MGAT4C: variants seen among roughly 807,000 people sequenced by gnomAD.
The protein encoded by MGAT4C is alpha-1,3-mannosyl-glycoprotein 4-beta-N-acetylglucosaminyltransferase C.
Under a neutral mutation model 40.1 loss-of-function variants are expected in MGAT4C, and 19 were observed. That is an observed-to-expected ratio of 0.47 (90% CI 0.33 to 0.70). MGAT4C has a LOEUF of 0.70. MGAT4C is among the 30% of genes least tolerant of loss of function. The pLI is 0.02. For missense variants in MGAT4C, 491 were observed against 563.2 expected (o/e 0.87, Z 1.30); for synonymous variants, 181 against 187.1 (o/e 0.97, Z 0.27).
intron 1 of MGAT4C, among the ~76,000 whole-genome samples, chr12:86,793,908 C>T (rs2136195570): frequency 6.6e-6 from 1 of 151,980 alleles, no homozygotes; most frequent in African/African-American, 2.4e-5. Flanking sequence ...TTGAATAACT[C>T]TTCCACACAT....
chr12:86,069,613 C>T (rs750071617), intron 1 of MGAT4C, among the ~76,000 whole-genome samples: 1 of 152,070 alleles, frequency 6.6e-6, no homozygotes, highest in African/African-American at 2.4e-5. Flanking sequence ...CTTCCAGTTC[C>T]CCAGGCCAAT....
At chr12:86,463,307 T>C (rs915532104) in intron 2 of MGAT4C, among the ~76,000 whole-genome samples, 3 of 152,184 alleles carry the variant, frequency 2.0e-5, no homozygotes, top group Non-Finnish European at 4.4e-5. Context: ...CTACCAGCTA[T>C]AGTCTTTTGC....
chr12:86,686,960 G>A (rs1476792221), intron 2 of MGAT4C, among the ~76,000 whole-genome samples: 2 of 152,122 alleles, frequency 1.3e-5, no homozygotes, highest in African/African-American at 2.4e-5. Flanking sequence ...AATCCGTCTG[G>A]TCCTGGGCTT....
chr12:86,126,307 G>T (rs1197547160), intron 1 of MGAT4C, among the ~76,000 whole-genome samples: 1 of 151,838 alleles, frequency 6.6e-6, no homozygotes, highest in Non-Finnish European at 1.5e-5. Context: ...GAGCACAGCA[G>T]ATAATATTAA....
At chr12:86,222,534 A>G (rs1364225721) in intron 1 of MGAT4C, among the ~76,000 whole-genome samples, 1 of 152,208 alleles carries the variant, frequency 6.6e-6, no homozygotes, top group Non-Finnish European at 1.5e-5. Context: ...TTTGCAAGGA[A>G]GTCAAAGTTT....
At chr12:86,765,901 T>C (rs373957869) in intron 1 of MGAT4C, among the ~76,000 whole-genome samples, 3 of 152,096 alleles carry the variant, frequency 2.0e-5, no homozygotes, top group African/African-American at 4.8e-5. Context: ...TGGTACCAGC[T>C]GCTGCAAAAT....
intron 2 of MGAT4C, among the ~76,000 whole-genome samples, chr12:86,041,318 C>T (rs1446570089): frequency 6.6e-6 from 1 of 151,908 alleles, no homozygotes; most frequent in Non-Finnish European, 1.5e-5. Context: ...TCCCCAGTTC[C>T]TTCAGTTCTG....
chr12:86,212,419 A>G (rs1950507337), intron 1 of MGAT4C, among the ~76,000 whole-genome samples: 1 of 152,176 alleles, frequency 6.6e-6, no homozygotes, highest in Non-Finnish European at 1.5e-5. Context: ...GGAATGTCAC[A>G]AAAGTATGCC....
At chr12:86,007,689 A>C (rs1170616326) in intron 2 of MGAT4C, among the ~76,000 whole-genome samples, 2 of 152,118 alleles carry the variant, frequency 1.3e-5, no homozygotes, top group Non-Finnish European at 2.9e-5. Context: ...GATTTATCAA[A>C]GGTGAACAGT....
intron 4 of MGAT4C, among the ~76,000 whole-genome samples, chr12:86,329,906 T>C (rs1358447944): frequency 6.6e-6 from 1 of 152,172 alleles, no homozygotes; most frequent in Non-Finnish European, 1.5e-5. Flanking sequence ...GTAAAATAAA[T>C]GAATGGATGC....
intron 3 of MGAT4C, among the ~76,000 whole-genome samples, chr12:86,343,864 T>A (rs1423553020): frequency 1.3e-5 from 2 of 152,168 alleles, no homozygotes; most frequent in Admixed American, 1.3e-4. Flanking sequence ...TTTCTTTTCA[T>A]TTTTGAATGT....
chr12:86,018,886 T>C (rs752727351), intron 2 of MGAT4C, among the ~76,000 whole-genome samples: 21 of 152,076 alleles, frequency 1.4e-4, no homozygotes, highest in Non-Finnish European at 1.9e-4. Flanking sequence ...CTGCCACTGA[T>C]TGCAGAAATA....
chr12:86,280,171 C>A (rs1349076347), intron 4 of MGAT4C, among the ~76,000 whole-genome samples: 4 of 151,890 alleles, frequency 2.6e-5, no homozygotes, highest in Non-Finnish European at 5.9e-5. Context: ...GTCTATAGTG[C>A]AGATTAAGTT....
chr12:86,469,922 T>C (rs1957734580), intron 2 of MGAT4C, among the ~76,000 whole-genome samples: 1 of 152,164 alleles, frequency 6.6e-6, no homozygotes, highest in Non-Finnish European at 1.5e-5. Flanking sequence ...TTGTTTAGTT[T>C]AGTTTAGTTT....
intron 1 of MGAT4C, among the ~76,000 whole-genome samples, chr12:86,184,489 C>T (rs1000366502): frequency 6.6e-6 from 1 of 151,650 alleles, no homozygotes; most frequent in African/African-American, 2.4e-5. Context: ...CTTCTTTTCT[C>T]GAAATTTTAA....
Position 86,455,191 on chromosome 12 carries a change from C to T in MGAT4C, c.-228-19926G>A, listed in dbSNP as rs12582767. Among the ~76,000 whole-genome samples the T allele has an allele frequency of 0.02, 2,990 of 152,142 alleles. 212 individuals carry two copies. The East Asian group carries it at 0.24, about 12-fold the overall frequency. On this transcript the variant is annotated intron_variant, in intron 2 of 7. Transcript: ENST00000548651. Reference sequence around the variant, plus strand: ...GAATGAAAAGAAATTAGTTTCTGTTCTATTCCAGTATCAAATAATTCAGCA... The same window carrying T: ...GAATGAAAAGAAATTAGTTTCTGTTTTATTCCAGTATCAAATAATTCAGCA...
rs181208555 is a variant in MGAT4C, at chr12:86,626,388, G to A, written c.-229+100821C>T. On this transcript the variant is annotated intron_variant, in intron 2 of 7. Transcript: ENST00000548651. The stretch of plus-strand genomic sequence containing the variant: ...CTGGATAAAATAATTATAACCGAGC[G>A]GATGAAATAAAATTGAGCAAAGTAC... 4.6e-3 allele frequency among the ~76,000 whole-genome samples: 698 copies of A among 152,120 alleles called. 2 individuals are homozygous for A. The highest frequency in any genetic ancestry group is 7.1e-3 in the Admixed American group (108 of 15,258).
chr12:86,158,230 T>G (rs1183740254), intron 1 of MGAT4C, among the ~76,000 whole-genome samples: 1 of 152,146 alleles, frequency 6.6e-6, no homozygotes, highest in Non-Finnish European at 1.5e-5. Context: ...AATACATTAA[T>G]GTAGTCTATG....
intron 2 of MGAT4C, among the ~76,000 whole-genome samples, chr12:86,548,877 A>G (rs1016891475): frequency 3.9e-5 from 6 of 152,228 alleles, no homozygotes; most frequent in African/African-American, 1.4e-4. Flanking sequence ...TTATTTTTAA[A>G]TATGTAAGAA....
Sources: gnomAD v4.1 joint callset for allele counts (sites outside exome capture counted in the v4.1 genomes callset) on GRCh38, gnomAD v4.1.1 for gene constraint, MANE v1.5 for transcripts, NCBI Gene and HGNC (gene_info 2026-07-23, HGNC 2026-07-21) for gene names.